CSRP3: variants seen among roughly 807,000 people sequenced by gnomAD.
CSRP3 encodes cysteine and glycine-rich protein 3.
Under a neutral mutation model 24.3 loss-of-function variants are expected in CSRP3, and 24 were observed. The ratio of observed to expected loss-of-function variants is 0.99; its 90% CI spans 0.71 to 1.39. CSRP3 has a LOEUF of 1.39. Among genes scored for constraint, CSRP3 ranks in the 40% most tolerant of loss-of-function variants. The pLI is 0.00. For synonymous variants in CSRP3, 105 were observed against 94.0 expected, an observed-to-expected ratio of 1.12 and a Z score of -0.68; for missense variants, 240 against 249.0, an observed-to-expected ratio of 0.96 and a Z score of 0.24.
At chr11:19,190,582 T>C (rs1850597746) in intron 2 of CSRP3, among the ~76,000 whole-genome samples, 1 of 152,274 alleles carries the variant, frequency 6.6e-6, no homozygotes, top group Non-Finnish European at 1.5e-5. Flanking sequence ...TTATATTTAT[T>C]TCTTTTGGAC....
At chr11:19,192,797 G>T (rs933584681) in intron 1 of CSRP3, among the ~76,000 whole-genome samples, 1 of 151,972 alleles carries the variant, frequency 6.6e-6, no homozygotes, top group Non-Finnish European at 1.5e-5. Flanking sequence ...TATATACAAA[G>T]ATCGTTTTTT....
rs1303387760 is a variant in CSRP3 at position 19,182,418 on chromosome 11, C to T, written c.*252G>A. ...AGATCTAGAGCCATACAAGATAGCA[C>T]TAAAACATTTATTTATTGCCTCTCC... On this transcript the variant is annotated 3_prime_UTR_variant, in exon 6 of 6. Coordinates refer to ENST00000265968, the MANE Select transcript of CSRP3 (RefSeq NM_003476.5). The T allele has an allele frequency of 1.3e-5, 7 of 558,950 alleles. No individual in the cohort carries two copies. The highest frequency in any genetic ancestry group is 1.9e-5 in the Non-Finnish European group (6 of 312,222). 34.6% of individuals were successfully genotyped at this position (558,950 alleles called of 1,614,324 possible). A position where few individuals can be genotyped will look rare whatever the true frequency, so the allele number is the denominator to read the frequency against.
intron 2 of CSRP3, among the ~76,000 whole-genome samples, chr11:19,191,904 A>G (rs1178598778): frequency 2.6e-5 from 4 of 152,208 alleles, no homozygotes; most frequent in African/African-American, 4.8e-5. Context: ...GTTCTCTCTC[A>G]GACAAGACCA....
intron 1 of CSRP3, among the ~76,000 whole-genome samples, chr11:19,198,157 AT>A (rs933619716): frequency 1.3e-5 from 2 of 152,148 alleles, no homozygotes; most frequent in African/African-American, 4.8e-5. Context: ...AGCAAATTTT[AT>A]TTCCATTTTT....
At chr11:19,186,379 A>C in intron 3 of CSRP3, 31 bp from the exon 4 acceptor site, 1 of 1,614,122 alleles carries the variant, frequency 6.2e-7, no homozygotes, top group Non-Finnish European at 8.5e-7. Flanking sequence ...AATGAAACGT[A>C]GATTTCCCTT....
At chr11:19,190,268 C>A (rs936907845) in intron 2 of CSRP3, among the ~76,000 whole-genome samples, 11 of 152,250 alleles carry the variant, frequency 7.2e-5, no homozygotes, top group African/African-American at 2.7e-4. Context: ...TCTGTAGCCA[C>A]TCCCTGGCTT....
intron 5 of CSRP3, 93 bp downstream of exon 5, chr11:19,184,859 A>C (rs947150657): frequency 7.4e-6 from 7 of 948,946 alleles, no homozygotes; most frequent in Middle Eastern, 2.1e-4. Context: ...CTCCTGGAAG[A>C]CACGGGAAGA....
At chr11:19,188,863 T>C (rs1038389670) in intron 2 of CSRP3, among the ~76,000 whole-genome samples, 3 of 152,062 alleles carry the variant, frequency 2.0e-5, no homozygotes, top group African/African-American at 7.2e-5. Context: ...CCTGCCTTAT[T>C]AACTCCTTAG....
intron 1 of CSRP3, among the ~76,000 whole-genome samples, chr11:19,194,850 A>G (rs188367537): frequency 7.2e-5 from 11 of 152,264 alleles, no homozygotes; most frequent in African/African-American, 2.6e-4. Flanking sequence ...TGCATTTACT[A>G]CCTGCCTATC....
In CSRP3 at chr11:19,182,584, G is replaced by A. The variant is rs1850453330; in HGVS notation, c.*86C>T. On this transcript the variant is annotated 3_prime_UTR_variant, in exon 6 of 6. Coordinates refer to ENST00000265968, the MANE Select transcript of CSRP3 (RefSeq NM_003476.5). ...CATAATGTACGACTACAAAGGAGAG[G>A]CTATTTGGGGAAAGGTATCGATCTG... 9.4e-7 allele frequency: 1 copy of A among 1,068,198 alleles called. No homozygotes were observed. The highest frequency in any genetic ancestry group is 1.7e-5 in the Admixed American group (1 of 59,324). 66.2% of individuals were successfully genotyped at this position (1,068,198 alleles called of 1,614,324 possible).
At chr11:19,197,552 T>TTTCTTTCTTTCTTTCC in intron 1 of CSRP3, among the ~76,000 whole-genome samples, 1 of 140,758 alleles carries the variant, frequency 7.1e-6, no homozygotes, top group South Asian at 2.5e-4. Context: ...TCTTTCTTTC[T>TTTCTTTCTTTCTTTCC]TTCTTTCTTT....
intron 4 of CSRP3, among the ~76,000 whole-genome samples, 158 bp downstream of exon 4, chr11:19,186,058 C>G (rs939507191): frequency 4.6e-5 from 7 of 152,164 alleles, no homozygotes; most frequent in Non-Finnish European, 1.0e-4. Flanking sequence ...ACAGACAGCC[C>G]CAGCCTGGGA....
At position 19,188,295 on chromosome 11, in the gene CSRP3, C is replaced by T. The variant is rs1850562255; in HGVS notation, c.122G>A (p.Arg41Lys). 6.2e-7 allele frequency: 1 copy of T among 1,612,342 alleles called. No individual in the cohort carries two copies. Among genetic ancestry groups the T allele is most frequent in the Non-Finnish European group, 8.5e-7 (1 of 1,180,028 alleles). The change falls in exon 3 of 6, where the codon AGG (arginine) becomes AAG (lysine). Residue 41 changes from arginine (R) to lysine (K), a missense_variant. Coordinates refer to ENST00000265968, the MANE Select transcript of CSRP3 (RefSeq NM_003476.5). Reference sequence around the variant, plus strand: ...GACTGTCGTGCTGTCAAGAGCCTTCCTGCAGGCCACTGCCAGGAAAAGGAA... The same window carrying T: ...GACTGTCGTGCTGTCAAGAGCCTTCTTGCAGGCCACTGCCAGGAAAAGGAA... Reference protein sequence around the residue: ...HKTCFHCMACRKALDSTTVAA... With the variant: ...HKTCFHCMACKKALDSTTVAA...
chr11:19,187,202 C>CCATTTT (rs1850540766), intron 3 of CSRP3, among the ~76,000 whole-genome samples: 1 of 152,198 alleles, frequency 6.6e-6, no homozygotes, highest in South Asian at 2.1e-4. Flanking sequence ...ACAAGAGTCT[C>CCATTTT]CATTTGAGAT....
chr11:19,184,744 G>C (rs1015560340), intron 5 of CSRP3, among the ~76,000 whole-genome samples: 2 of 152,204 alleles, frequency 1.3e-5, no homozygotes, highest in African/African-American at 2.4e-5. Flanking sequence ...GTCTCTGCCA[G>C]GTGCTCCAGT....
At chr11:19,201,786 A>G (rs1203557898) in intron 1 of CSRP3, among the ~76,000 whole-genome samples, 168 bp downstream of exon 1, 1 of 152,222 alleles carries the variant, frequency 6.6e-6, no homozygotes, top group Non-Finnish European at 1.5e-5. Flanking sequence ...AATACCTGCT[A>G]GATCCACACC....
rs1196538543 is a variant in CSRP3 at position 19,192,417 on chromosome 11, C to T, written c.32G>A (p.Gly11Glu). The T allele has an allele frequency of 6.2e-7, 1 of 1,614,166 alleles. No homozygotes were observed. Among genetic ancestry groups the T allele is most frequent in the Non-Finnish European group, 8.5e-7 (1 of 1,180,028 alleles). MPNWGGGAKC[G>E]ACEKTVYHAE... ...ATGGTAGACGGTCTTTTCACAGGCT[C>T]CACATTTTGCGCCTCCGCCCCAGTT... The change falls in exon 2 of 6, where the codon GGA becomes GAA. Residue 11 changes from glycine to glutamate, a missense_variant. Coordinates refer to ENST00000265968, the MANE Select transcript of CSRP3 (RefSeq NM_003476.5).
At chr11:19,196,825 G>T (rs1206280220) in intron 1 of CSRP3, 1 of 152,242 alleles carries the variant, frequency 6.6e-6, no homozygotes, top group Non-Finnish European at 1.5e-5. Context: ...TGAAATGGGG[G>T]ACAGTCTGGA....
In CSRP3 at chr11:19,186,389, T is replaced by C. The variant is rs754690224; in HGVS notation, c.282-41A>G. On this transcript the variant is annotated intron_variant, in intron 3 of 5. Transcript: ENST00000265968. ...GAATGAATGAAACGTAGATTTCCCT[T>C]GGCAAAGAGTAGAAGAGCTGTGTGG... 3.1e-5 allele frequency: 50 copies of C among 1,613,864 alleles called. 1 individual carries two copies. The South Asian group carries it at 5.4e-4, about 17-fold the overall frequency.
Sources: gnomAD v4.1 joint callset for allele counts (sites outside exome capture counted in the v4.1 genomes callset) on GRCh38, gnomAD v4.1.1 for gene constraint, MANE v1.5 for transcripts, NCBI Gene and HGNC (gene_info 2026-07-23, HGNC 2026-07-21) for gene names.